Variants in SYCP1 observed in about 807,000 individuals in gnomAD.
SYCP1 encodes cancer/testis antigen 8.
Under a neutral mutation model 153.1 loss-of-function variants are expected in SYCP1, and 64 were observed. That is an observed-to-expected ratio of 0.42 (90% CI 0.34 to 0.51). SYCP1 has a LOEUF of 0.51. Among genes scored for constraint, SYCP1 ranks in the 20% least tolerant of loss-of-function variants. The pLI is 0.06. For synonymous variants in SYCP1, 384 were observed against 341.8 expected, an observed-to-expected ratio of 1.12 and a Z score of -1.36; for missense variants, 997 against 1,049.0, an observed-to-expected ratio of 0.95 and a Z score of 0.68.
chr1:114,990,917 A>T (rs1026995547), intron 30 of SYCP1, among the ~76,000 whole-genome samples: 1 of 151,936 alleles, frequency 6.6e-6, no homozygotes, highest in Admixed American at 6.6e-5. Flanking sequence ...AACACAGGGA[A>T]TTTCCCACAG....
At chr1:114,905,208 A>G (rs1667736502) in intron 16 of SYCP1, among the ~76,000 whole-genome samples, 1 of 152,202 alleles carries the variant, frequency 6.6e-6, no homozygotes, top group South Asian at 2.1e-4. Context: ...AAATGAACTG[A>G]GAAGCTGTTT....
intron 15 of SYCP1, among the ~76,000 whole-genome samples, chr1:114,888,618 T>C (rs1296171733): frequency 1.3e-5 from 2 of 152,104 alleles, no homozygotes; most frequent in African/African-American, 4.8e-5. Context: ...TAAATTAGAA[T>C]GGTTATAATA....
intron 16 of SYCP1, among the ~76,000 whole-genome samples, chr1:114,906,061 G>A (rs1667787971): frequency 6.6e-6 from 1 of 151,920 alleles, no homozygotes; most frequent in African/African-American, 2.4e-5. Flanking sequence ...CACCTCCTGG[G>A]TTCAAGTCAT....
At chr1:114,985,791 A>G (rs1467809439) in intron 30 of SYCP1, among the ~76,000 whole-genome samples, 5 of 152,012 alleles carry the variant, frequency 3.3e-5, no homozygotes, top group Admixed American at 1.3e-4. Flanking sequence ...TAAACACTTT[A>G]TACAACGAAG....
At chr1:114,903,749 T>G (rs1170726986) in intron 16 of SYCP1, among the ~76,000 whole-genome samples, 1 of 152,148 alleles carries the variant, frequency 6.6e-6, no homozygotes, top group Non-Finnish European at 1.5e-5. Context: ...ACAATCACAG[T>G]AGCCAGAGGA....
intron 20 of SYCP1, among the ~76,000 whole-genome samples, chr1:114,922,555 A>C (rs992826006): frequency 1.3e-5 from 2 of 152,116 alleles, no homozygotes; most frequent in Admixed American, 1.3e-4. Flanking sequence ...ATGTTGCAAG[A>C]GTTCGCTATT....
intron 27 of SYCP1, among the ~76,000 whole-genome samples, chr1:114,958,991 G>A (rs1220726610): frequency 2.0e-5 from 3 of 150,470 alleles, no homozygotes; most frequent in Admixed American, 6.6e-5. Context: ...TGTACTATTT[G>A]CAGATATTTT....
chr1:114,873,547 T>G (rs1218908834), intron 8 of SYCP1, among the ~76,000 whole-genome samples: 1 of 152,168 alleles, frequency 6.6e-6, no homozygotes, highest in African/African-American at 2.4e-5. Flanking sequence ...CCAGGTTAGT[T>G]AGGCTCTGAC....
intron 8 of SYCP1, among the ~76,000 whole-genome samples, chr1:114,863,424 G>A (rs965694745): frequency 2.0e-5 from 3 of 152,052 alleles, no homozygotes; most frequent in Non-Finnish European, 2.9e-5. Context: ...ATGATGGCAC[G>A]CGCCTGTAGT....
intron 8 of SYCP1, among the ~76,000 whole-genome samples, chr1:114,866,881 T>G (rs1664783248): frequency 6.6e-6 from 1 of 151,738 alleles, no homozygotes; most frequent in African/African-American, 2.4e-5. Flanking sequence ...TTGTTAAGGG[T>G]GTAAGATCTG....
At chr1:114,867,410 AATT>A (rs1308605458) in intron 8 of SYCP1, among the ~76,000 whole-genome samples, 14 of 152,204 alleles carry the variant, frequency 9.2e-5, no homozygotes, top group African/African-American at 3.4e-4. Context: ...CTATTGATTT[AATT>A]ATTATTTGAT....
At chr1:114,901,080 C>T (rs186689908) in intron 16 of SYCP1, among the ~76,000 whole-genome samples, 2 of 152,236 alleles carry the variant, frequency 1.3e-5, no homozygotes, top group Admixed American at 6.5e-5. Flanking sequence ...AGAGACATCA[C>T]ACATATGTAA....
intron 8 of SYCP1, 145 bp downstream of exon 8, chr1:114,860,954 T>C: frequency 1.7e-6 from 1 of 595,042 alleles, no homozygotes; most frequent in South Asian, 2.9e-5. Context: ...ATATAAGTAA[T>C]AAGGAGAATC....
At chr1:114,912,951 CT>C (rs1173278183) in intron 18 of SYCP1, 81 bp from the exon 19 acceptor site, 56 of 925,504 alleles carry the variant, frequency 6.1e-5, no homozygotes, top group Middle Eastern at 3.2e-4. Flanking sequence ...TCCCTTTCCC[CT>C]ATCATTATGT....
chr1:114,970,562 C>T (rs537893173), intron 27 of SYCP1, among the ~76,000 whole-genome samples: 1 of 151,612 alleles, frequency 6.6e-6, no homozygotes, highest in East Asian at 2.0e-4. Context: ...AGATCTGGGA[C>T]TCAAGGGCTG....
intron 16 of SYCP1, among the ~76,000 whole-genome samples, chr1:114,901,580 T>C (rs1667450917): frequency 6.6e-6 from 1 of 152,146 alleles, no homozygotes; most frequent in Non-Finnish European, 1.5e-5. Context: ...GCCACCATTG[T>C]AAAATGGCAA....
chr1:114,954,780 C>T (rs753408587), intron 27 of SYCP1, among the ~76,000 whole-genome samples: 5 of 152,042 alleles, frequency 3.3e-5, no homozygotes, highest in Non-Finnish European at 5.9e-5. Context: ...GGAGTTTCAC[C>T]ATGTTGTCCA....
chr1:114,965,774 C>T (rs952535911), intron 27 of SYCP1, among the ~76,000 whole-genome samples: 9 of 152,104 alleles, frequency 5.9e-5, no homozygotes, highest in African/African-American at 1.7e-4. Flanking sequence ...ATTATCACAT[C>T]GATGTTCATC....
intron 27 of SYCP1, among the ~76,000 whole-genome samples, chr1:114,963,194 T>C (rs1671889878): frequency 6.6e-6 from 1 of 152,152 alleles, no homozygotes; most frequent in African/African-American, 2.4e-5. Context: ...TCTTTGAGCC[T>C]CTTGTATTTG....
Sources: gnomAD v4.1 joint callset for allele counts (sites outside exome capture counted in the v4.1 genomes callset) on GRCh38, gnomAD v4.1.1 for gene constraint, MANE v1.5 for transcripts, NCBI Gene and HGNC (gene_info 2026-07-23, HGNC 2026-07-21) for gene names.